Variants in TEX11 observed in about 807,000 individuals in gnomAD.
TEX11 encodes testis-expressed protein 11.
Under a neutral mutation model 84.4 loss-of-function variants are expected in TEX11, and 7 were observed. The ratio of observed to expected loss-of-function variants is 0.08; its 90% CI spans 0.05 to 0.16. TEX11 has a LOEUF of 0.16. Ranked by LOEUF, TEX11 falls within the 10% of genes least tolerant of loss-of-function variation. The probability of loss-of-function intolerance (pLI) is 1.00; values close to 1 mark genes in which losing one functional copy is unlikely to be tolerated. For synonymous variants in TEX11, 264 were observed against 222.8 expected (o/e 1.18, Z -1.64); for missense variants, 551 against 660.5 (o/e 0.83, Z 1.82).
At chrX:70,706,388 A>G (rs1188952726) in intron 13 of TEX11, among the ~76,000 whole-genome samples, 1 of 110,530 alleles carries the variant, frequency 9.0e-6, no homozygotes, top group Non-Finnish European at 1.9e-5. Context: ...GCACACCATC[A>G]TGGCGCATGT....
At chrX:70,720,799 A>G (rs1364232243) in intron 13 of TEX11, among the ~76,000 whole-genome samples, 4 of 107,034 alleles carry the variant, frequency 3.7e-5, no homozygotes, top group Non-Finnish European at 7.7e-5. Context: ...TGAAAACCAT[A>G]TTTTTATGTG....
intron 8 of TEX11, among the ~76,000 whole-genome samples, chrX:70,815,208 CAAAG>C (rs1487463976): frequency 1.8e-5 from 2 of 112,184 alleles, no homozygotes; most frequent in African/African-American, 6.5e-5. Flanking sequence ...TCTCAAATAT[CAAAG>C]AAAGAATCCC....
At chrX:70,657,333 C>A (rs2089877722) in intron 16 of TEX11, among the ~76,000 whole-genome samples, 1 of 109,674 alleles carries the variant, frequency 9.1e-6, no homozygotes, top group Non-Finnish European at 1.9e-5. Flanking sequence ...AAAAAGGGAG[C>A]TCTGTGAAGT....
chrX:70,516,495 C>T, the TEX11 span, among the ~76,000 whole-genome samples: 1 of 111,765 alleles, frequency 8.9e-6, no homozygotes, highest in Non-Finnish European at 1.9e-5. Flanking sequence ...TGTTTTGGTA[C>T]CAGTACTATG....
At chrX:70,644,637 T>C (rs2089715592) in intron 17 of TEX11, among the ~76,000 whole-genome samples, 2 of 95,497 alleles carry the variant, frequency 2.1e-5, no homozygotes, top group African/African-American at 3.8e-5. Flanking sequence ...ATGGATGAAA[T>C]TGGAAATCAT....
At chrX:70,624,814 C>T in intron 19 of TEX11, 25 bp downstream of exon 19, 1 of 1,144,538 alleles carries the variant, frequency 8.7e-7, no homozygotes, top group Non-Finnish European at 1.2e-6. Context: ...AATACTTTCT[C>T]TTCCACAGGA....
At chrX:70,669,237 T>C (rs762208300) in intron 16 of TEX11, among the ~76,000 whole-genome samples, 160 of 111,639 alleles carry the variant, frequency 1.4e-3, no homozygotes, top group Middle Eastern at 4.6e-3. Context: ...TGCAAATGCA[T>C]CCATTCCCCA....
intron 3 of TEX11, 26 bp downstream of exon 3, chrX:70,879,962 A>G: frequency 1.8e-6 from 2 of 1,138,235 alleles, no homozygotes; most frequent in Non-Finnish European, 2.4e-6. Flanking sequence ...GAAACTTATC[A>G]TAAACAGAAT....
intron 11 of TEX11, among the ~76,000 whole-genome samples, chrX:70,727,003 T>G (rs1415036129): frequency 9.0e-6 from 1 of 111,279 alleles, no homozygotes; most frequent in Non-Finnish European, 1.9e-5. Flanking sequence ...CTGGCTCCCT[T>G]CCTTAGATTT....
intron 16 of TEX11, among the ~76,000 whole-genome samples, chrX:70,652,251 C>G (rs1323279912): frequency 1.8e-5 from 2 of 111,516 alleles, no homozygotes; most frequent in African/African-American, 6.5e-5. Context: ...TCCCAAGCAT[C>G]TACAGAAGCA....
intron 18 of TEX11, among the ~76,000 whole-genome samples, chrX:70,625,994 C>A (rs1361037435): frequency 1.8e-5 from 2 of 110,495 alleles, no homozygotes; most frequent in Non-Finnish European, 3.8e-5. Context: ...GTGATCCACC[C>A]GCCTGGGCCT....
At chrX:70,811,441 T>G (rs1054024797) in intron 8 of TEX11, among the ~76,000 whole-genome samples, 7 of 111,747 alleles carry the variant, frequency 6.3e-5, no homozygotes, top group African/African-American at 2.0e-4. Flanking sequence ...GACATTTGGG[T>G]TGGTTCCAAG....
At chrX:70,667,790 G>T (rs1426575619) in intron 16 of TEX11, among the ~76,000 whole-genome samples, 1 of 111,167 alleles carries the variant, frequency 9.0e-6, no homozygotes, top group African/African-American at 3.3e-5. Flanking sequence ...ACCCAGGCGT[G>T]GTGGCCCATG....
At chrX:70,584,583 T>C (rs2088827559) in intron 25 of TEX11, among the ~76,000 whole-genome samples, 2 of 111,193 alleles carry the variant, frequency 1.8e-5, no homozygotes, top group South Asian at 3.8e-4. Context: ...AAGCCAAATG[T>C]AGACATCACA....
intron 9 of TEX11, among the ~76,000 whole-genome samples, chrX:70,795,839 A>G (rs1279325442): frequency 9.0e-6 from 1 of 111,462 alleles, no homozygotes; most frequent in Admixed American, 9.6e-5. Flanking sequence ...AGCACACAAC[A>G]TGCAAATCCC....
At chrX:70,773,798 CA>C (rs1416120297) in intron 9 of TEX11, among the ~76,000 whole-genome samples, 3 of 111,442 alleles carry the variant, frequency 2.7e-5, no homozygotes, top group African/African-American at 9.8e-5. Flanking sequence ...ATAGATCATC[CA>C]AGAGAGAACA....
chrX:70,663,242 G>A (rs2089946851), intron 16 of TEX11, among the ~76,000 whole-genome samples: 1 of 111,207 alleles, frequency 9.0e-6, no homozygotes, highest in African/African-American at 3.3e-5. Context: ...AAGTCATTCA[G>A]TCTTTACTTA....
chrX:70,642,534 A>T (rs1302486780), intron 17 of TEX11, among the ~76,000 whole-genome samples: 105 of 104,400 alleles, frequency 1.0e-3, no homozygotes, highest in Non-Finnish European at 1.2e-3. Context: ...AATACTGGCA[A>T]ACCGAATCCA....
chrX:70,797,940 G>A (rs973426552), intron 9 of TEX11, among the ~76,000 whole-genome samples: 1 of 92,882 alleles, frequency 1.1e-5, no homozygotes, highest in Non-Finnish European at 2.1e-5. Flanking sequence ...TCTAACATAG[G>A]AAAAAAGCAA....
Sources: gnomAD v4.1 joint callset for allele counts (sites outside exome capture counted in the v4.1 genomes callset) on GRCh38, gnomAD v4.1.1 for gene constraint, MANE v1.5 for transcripts, NCBI Gene and HGNC (gene_info 2026-07-23, HGNC 2026-07-21) for gene names.